HHAT: variants seen among roughly 807,000 people sequenced by gnomAD.
HHAT encodes protein-cysteine N-palmitoyltransferase HHAT.
HHAT carries 47 observed loss-of-function variants against 70.8 expected under a neutral mutation model. The ratio of observed to expected loss-of-function variants is 0.66; its 90% CI spans 0.53 to 0.85. The LOEUF is 0.85. HHAT is among the 40% of genes least tolerant of loss of function. The probability of loss-of-function intolerance (pLI) is 0.00; values close to 1 mark genes in which losing one functional copy is unlikely to be tolerated. For missense variants in HHAT, 609 were observed against 604.8 expected, an observed-to-expected ratio of 1.01 and a Z score of -0.07; for synonymous variants, 228 against 247.6, an observed-to-expected ratio of 0.92 and a Z score of 0.74.
At chr1:210,392,534 A>G (rs1308651946) in intron 4 of HHAT, among the ~76,000 whole-genome samples, 3 of 152,204 alleles carry the variant, frequency 2.0e-5, no homozygotes, top group Non-Finnish European at 1.5e-5. Context: ...ATGCATAAGG[A>G]GTAAGGTTTT....
chr1:210,540,875 C>CT (rs1256296558), intron 9 of HHAT, among the ~76,000 whole-genome samples: 1 of 151,848 alleles, frequency 6.6e-6, no homozygotes, highest in Non-Finnish European at 1.5e-5. Flanking sequence ...GTGTATCGCT[C>CT]TGTTGCCCAG....
At chr1:210,628,241 T>C (rs1670199893) in intron 11 of HHAT, among the ~76,000 whole-genome samples, 1 of 152,016 alleles carries the variant, frequency 6.6e-6, no homozygotes, top group South Asian at 2.1e-4. Context: ...TGGAGAGCCT[T>C]ATAATGTGTG....
intron 11 of HHAT, among the ~76,000 whole-genome samples, chr1:210,631,654 T>C (rs1177824642): frequency 6.6e-6 from 1 of 152,166 alleles, no homozygotes; most frequent in African/African-American, 2.4e-5. Context: ...TATCTCAGGG[T>C]GGCTGTCATA....
intron 9 of HHAT, among the ~76,000 whole-genome samples, chr1:210,525,553 T>A: frequency 6.6e-6 from 1 of 152,212 alleles, no homozygotes; most frequent in African/African-American, 2.4e-5. Flanking sequence ...TGTTACCACT[T>A]TTGAGGAAAA....
intron 1 of HHAT, 114 bp from the exon 2 acceptor site, chr1:210,348,819 T>C: frequency 9.5e-7 from 1 of 1,051,738 alleles, no homozygotes; most frequent in Non-Finnish European, 1.3e-6. Flanking sequence ...GGGTTATGTC[T>C]GTATCACCTT....
At chr1:210,491,802 G>A (rs747857401) in intron 8 of HHAT, among the ~76,000 whole-genome samples, 4 of 152,000 alleles carry the variant, frequency 2.6e-5, no homozygotes, top group African/African-American at 7.3e-5. Flanking sequence ...TCACTCTGTC[G>A]TCCAGGGTGG....
chr1:210,575,285 T>G, intron 9 of HHAT, among the ~76,000 whole-genome samples: 1 of 152,102 alleles, frequency 6.6e-6, no homozygotes, highest in East Asian at 1.9e-4. Context: ...TTATAAATGC[T>G]TTCAGCATCG....
chr1:210,399,985 T>C (rs952745367), intron 4 of HHAT, among the ~76,000 whole-genome samples: 48 of 152,236 alleles, frequency 3.2e-4, no homozygotes, highest in Non-Finnish European at 2.4e-4. Flanking sequence ...TGGCTTAGAC[T>C]TTGGAAAGTC....
chr1:210,407,977 G>A (rs1025509937), intron 6 of HHAT, among the ~76,000 whole-genome samples: 2 of 152,058 alleles, frequency 1.3e-5, no homozygotes, highest in South Asian at 2.1e-4. Context: ...GAGAGCAAAG[G>A]TCCTGGAGCC....
rs1041130066 is a variant in HHAT at position 210,588,038 on chromosome 1, G to A, written c.1184G>A (p.Gly395Glu). Residue 395 changes from glycine to glutamate, a missense_variant, in exon 10 of 12, where the codon GGA becomes GAA. Physicochemically the swap from Gly to Glu is moderately conservative, Grantham distance 98. Transcript: ENST00000261458. ...LWCWAALNWL[G>E]VTVENGVRRL... Reference sequence around the variant, plus strand: ...TGCTGGGCAGCGCTCAACTGGCTGGGAGTCACTGTGGAGAATGGAGTCCGG... The same window carrying A: ...TGCTGGGCAGCGCTCAACTGGCTGGAAGTCACTGTGGAGAATGGAGTCCGG... 1 of 1,613,824 alleles carries A rather than the reference G, an allele frequency of 6.2e-7. No homozygotes were observed. The highest frequency in any genetic ancestry group is 8.5e-7 in the Non-Finnish European group (1 of 1,179,940).
At chr1:210,419,195 C>A (rs1452754328) in intron 7 of HHAT, among the ~76,000 whole-genome samples, 2 of 152,126 alleles carry the variant, frequency 1.3e-5, no homozygotes, top group Non-Finnish European at 2.9e-5. Flanking sequence ...GGATATTAGG[C>A]AGCGCTGCAC....
chr1:210,404,390 C>T, intron 5 of HHAT, 74 bp from the exon 6 acceptor site: 1 of 1,194,588 alleles, frequency 8.4e-7, no homozygotes, highest in Non-Finnish European at 1.2e-6. Flanking sequence ...GCCCTGCTGG[C>T]CAGCACCTGC....
chr1:210,463,539 G>A (rs1286059148), intron 7 of HHAT, among the ~76,000 whole-genome samples: 2 of 152,082 alleles, frequency 1.3e-5, no homozygotes, highest in African/African-American at 4.8e-5. Flanking sequence ...GTCTATCCAT[G>A]CATTTGTTGA....
In HHAT at chr1:210,393,963, T is replaced by C. The variant is rs549832858; in HGVS notation, c.273+6382T>C. 6.5e-4 allele frequency among the ~76,000 whole-genome samples: 99 copies of C among 152,246 alleles called. 1 individual carries two copies. Among genetic ancestry groups the C allele is most frequent in the African/African-American group, 2.2e-3 (93 of 41,542 alleles). ...ACTAAGTGTTCCAGATGGCCTTAATTCGGGTAGTTGTTTTTGGTACTTACT... is the reference window on the plus strand; with the variant it reads ...ACTAAGTGTTCCAGATGGCCTTAATCCGGGTAGTTGTTTTTGGTACTTACT... On this transcript the variant is annotated intron_variant, in intron 4 of 11. Transcript: ENST00000261458.
intron 7 of HHAT, chr1:210,462,211 G>A (rs2148430818): frequency 6.6e-6 from 1 of 152,358 alleles, no homozygotes; most frequent in East Asian, 1.9e-4. Flanking sequence ...AGTCTGTGGT[G>A]CTTCATATAG....
rs371399635 is a variant in HHAT, at chr1:210,341,932, A to G, written c.-43-7001A>G. Among the ~76,000 whole-genome samples, 50 of 151,890 alleles carry G rather than the reference A, an allele frequency of 3.3e-4. 2 individuals carry two copies. The South Asian group carries it at 0.01, about 31-fold the overall frequency. ...AAACTTTGCTATGATTTCCTTTAAC[A>G]TCTAGTATTAAATGCACGTTCTACC... On this transcript the variant is annotated intron_variant, in intron 1 of 11. Transcript: ENST00000261458.
At chr1:210,661,428 C>T (rs979011768) in intron 11 of HHAT, among the ~76,000 whole-genome samples, 1 of 151,998 alleles carries the variant, frequency 6.6e-6, no homozygotes, top group Admixed American at 6.6e-5. Flanking sequence ...TGTGGAGAAA[C>T]AGGAACACTT....
intron 11 of HHAT, among the ~76,000 whole-genome samples, chr1:210,646,344 G>A (rs940112417): frequency 1.3e-5 from 2 of 152,202 alleles, no homozygotes; most frequent in Non-Finnish European, 2.9e-5. Flanking sequence ...CTCCTAGCCT[G>A]AACCTCTTGC....
At chr1:210,662,587 G>T (rs988113992) in intron 11 of HHAT, among the ~76,000 whole-genome samples, 1 of 152,230 alleles carries the variant, frequency 6.6e-6, no homozygotes, top group East Asian at 1.9e-4. Context: ...CCTGATTTGG[G>T]GTATAGCAAC....
Sources: allele counts gnomAD v4.1 joint callset (sites outside exome capture counted in the v4.1 genomes callset), GRCh38; gene constraint gnomAD v4.1.1; transcripts MANE v1.5; gene names NCBI Gene and HGNC (gene_info 2026-07-23, HGNC 2026-07-21).